Variants in TF observed in about 807,000 individuals in gnomAD.
TF encodes the protein transferrin, also known as serotransferrin.
A neutral mutation model predicts 82.4 loss-of-function variants in TF; 55 were observed. The observed-to-expected ratio is 0.67, with a 90% CI of 0.54 to 0.84. The LOEUF is 0.84. Among genes scored for constraint, TF ranks in the 40% least tolerant of loss-of-function variants. TF has a pLI of 0.00. For missense variants in TF, 737 were observed against 868.4 expected (o/e 0.85, Z 1.90); for synonymous variants, 332 against 332.6 (o/e 1.00, Z 0.02).
At chr3:133,731,049 G>A in the TF span, among the ~76,000 whole-genome samples, 1 of 152,326 alleles carries the variant, frequency 6.6e-6, no homozygotes, top group East Asian at 1.9e-4. Flanking sequence ...TTGCAAATCT[G>A]TATAGGTCAG....
At chr3:133,697,736 C>G in the TF span, among the ~76,000 whole-genome samples, 1 of 152,174 alleles carries the variant, frequency 6.6e-6, no homozygotes, top group African/African-American at 2.4e-5. Context: ...TCTAACATTA[C>G]TAAATCATTT....
chr3:133,770,974 G>A, intron 14 of TF: 1 of 255,622 alleles, frequency 3.9e-6, no homozygotes, highest in South Asian at 5.7e-5. Flanking sequence ...AGTTATCCCA[G>A]TAATGCCTTT....
the TF span, among the ~76,000 whole-genome samples, chr3:133,730,090 C>T: frequency 2.0e-5 from 3 of 152,286 alleles, no homozygotes; most frequent in Admixed American, 6.5e-5. Context: ...GAGCTTCTAT[C>T]TCAAGTTCCT....
chr3:133,776,183 C>T (rs780060117), intron 15 of TF, among the ~76,000 whole-genome samples: 7 of 152,198 alleles, frequency 4.6e-5, no homozygotes, highest in East Asian at 3.8e-4. Flanking sequence ...TGTTTCCCAG[C>T]GCTTGTTGAT....
At chr3:133,742,950 T>C (rs770957610), upstream of TF, among the ~76,000 whole-genome samples, 3 of 152,172 alleles carry the variant, frequency 2.0e-5, no homozygotes, top group Non-Finnish European at 2.9e-5. Context: ...GGCTCATGCT[T>C]GGGTTGGTCT....
the TF span, among the ~76,000 whole-genome samples, chr3:133,729,534 T>C: frequency 6.6e-6 from 1 of 152,256 alleles, no homozygotes; most frequent in African/African-American, 2.4e-5. Context: ...CGGGTGGAAG[T>C]GACCCGATTT....
chr3:133,697,062 G>A, the TF span, among the ~76,000 whole-genome samples: 1 of 152,174 alleles, frequency 6.6e-6, no homozygotes, highest in Non-Finnish European at 1.5e-5. Context: ...ACAACTTAAT[G>A]TCTTTCCTAA....
rs555475267 is a variant in TF at position 133,776,228 on chromosome 3, C to T, written c.1872+611C>T. Among the ~76,000 whole-genome samples the T allele has an allele frequency of 6.0e-4, 92 of 152,324 alleles. 1 individual carries two copies. Among genetic ancestry groups the T allele is most frequent in the Non-Finnish European group, 8.8e-4 (60 of 68,036 alleles). ...GAAGAGTGGATTTCTGTTCCTCTTG[C>T]CTAGGCAGACTGAGCACTGTTCTCA... On this transcript the variant is annotated intron_variant, in intron 15 of 16. Coordinates refer to ENST00000402696, the MANE Select transcript of TF (RefSeq NM_001063.4).
In TF at chr3:133,781,675, A is replaced by T. The variant is rs1279595703; in HGVS notation, c.*3055A>T. 1 of 152,176 alleles carries T rather than the reference A, an allele frequency of 6.6e-6. No homozygotes were observed. Among genetic ancestry groups the T allele is most frequent in the Non-Finnish European group, 1.5e-5 (1 of 68,032 alleles). 9.4% of individuals were successfully genotyped at this position (152,176 alleles called of 1,614,324 possible). On this transcript the variant is annotated 3_prime_UTR_variant, in exon 17 of 17. Transcript: ENST00000402696. The stretch of plus-strand genomic sequence containing the variant: ...AAAAAACAAAAGTGAGACAGATAAG[A>T]AAAATTCTGATGAGAGTGGAAGAGC...
At chr3:133,711,668 T>C in the TF span, among the ~76,000 whole-genome samples, 1 of 152,150 alleles carries the variant, frequency 6.6e-6, no homozygotes, top group African/African-American at 2.4e-5. Flanking sequence ...CCACCTGAAC[T>C]CCACATCCGC....
At chr3:133,771,814 T>G (rs969228775) in intron 14 of TF, among the ~76,000 whole-genome samples, 1 of 149,056 alleles carries the variant, frequency 6.7e-6, no homozygotes, top group Non-Finnish European at 1.5e-5. Context: ...AGCCATAATA[T>G]TAATAAAAAC....
the TF span, among the ~76,000 whole-genome samples, chr3:133,732,054 A>G: frequency 1.3e-5 from 2 of 152,130 alleles, no homozygotes; most frequent in Non-Finnish European, 2.9e-5. Flanking sequence ...ATGTAGTGGG[A>G]CCTGAGGGGC....
the TF span, among the ~76,000 whole-genome samples, chr3:133,684,286 A>G: frequency 2.0e-5 from 3 of 152,226 alleles, no homozygotes; most frequent in African/African-American, 7.2e-5. Flanking sequence ...CATCACAATT[A>G]AAAGAACTAG....
In TF at chr3:133,768,144, C is replaced by T. The variant is rs7845; in HGVS notation, c.1602C>T (p.Tyr534=). ...LCEPNNKEGY[Y]GYTGAFRCLV... ...AACCCAACAACAAAGAGGGATACTA[C>T]GGCTACACAGGCGCTTTCAGGTGAG... The change falls in exon 13 of 17, where the codon TAC becomes TAT. Residue 534 remains tyrosine (Y), a synonymous_variant. Transcript: ENST00000402696. 3,722 of 1,614,114 alleles carry T rather than the reference C, an allele frequency of 2.3e-3. 66 individuals carry two copies. In the African/African-American group the frequency reaches 0.042, roughly 18 times the overall value.
At chr3:133,755,961 C>T in intron 5 of TF, 1 of 481,044 alleles carries the variant, frequency 2.1e-6, no homozygotes, top group Non-Finnish European at 3.7e-6. Flanking sequence ...TAAAGTTTTA[C>T]AACCAGCCAA....
intron 7 of TF, 51 bp downstream of exon 7, chr3:133,757,060 T>A (rs779752781): frequency 1.2e-6 from 2 of 1,612,474 alleles, no homozygotes; most frequent in Non-Finnish European, 8.5e-7. Flanking sequence ...CTGCTTGGAT[T>A]TGGGGGTTTT....
Position 133,776,591 on chromosome 3 carries a change from C to T in TF, c.1873-458C>T, listed in dbSNP as rs116796724. On this transcript the variant is annotated intron_variant, in intron 15 of 16. Transcript: ENST00000402696. Reference sequence around the variant, plus strand: ...TTGGAGATCTGGAGAAGCTGAGTGGCTTGCCCAAGAAAGGATTCAAAATGC... The same window carrying T: ...TTGGAGATCTGGAGAAGCTGAGTGGTTTGCCCAAGAAAGGATTCAAAATGC... Among the ~76,000 whole-genome samples, 153 of 152,338 alleles carry T rather than the reference C, an allele frequency of 1.0e-3. 1 individual carries two copies. Among genetic ancestry groups the T allele is most frequent in the African/African-American group, 3.5e-3 (147 of 41,574 alleles).
Position 133,766,364 on chromosome 3 carries a change from G to A in TF, c.1417G>A (p.Val473Ile), listed in dbSNP as rs1350135265. Residue 473 changes from valine to isoleucine, a missense_variant, in exon 12 of 17, where the codon GTT (valine) becomes ATT (isoleucine). Coordinates refer to ENST00000402696, the MANE Select transcript of TF (RefSeq NM_001063.4). ...LKGKKSCHTA[V>I]GRTAGWNIPM... is the part of the protein sequence containing the mutation. ...AGGCAAGAAGTCCTGCCATACGGCAGTTGGCAGAACCGCTGGCTGGAACAT... is the reference window on the plus strand; with the variant it reads ...AGGCAAGAAGTCCTGCCATACGGCAATTGGCAGAACCGCTGGCTGGAACAT... 2.5e-6 allele frequency: 4 copies of A among 1,614,120 alleles called. No individual in the cohort carries two copies. Among genetic ancestry groups the A allele is most frequent in the African/African-American group, 1.3e-5 (1 of 74,940 alleles).
chr3:133,731,949 G>A, the TF span, among the ~76,000 whole-genome samples: 1 of 152,184 alleles, frequency 6.6e-6, no homozygotes, highest in African/African-American at 2.4e-5. Flanking sequence ...TAGGGAACTA[G>A]TATACAGAGA....
Sources: allele counts gnomAD v4.1 joint callset (sites outside exome capture counted in the v4.1 genomes callset), GRCh38; gene constraint gnomAD v4.1.1; transcripts MANE v1.5; gene names NCBI Gene and HGNC (gene_info 2026-07-23, HGNC 2026-07-21).